The following NBEAL1 variants were observed in gnomAD, a reference collection of about 807,000 sequenced individuals.
NBEAL1 encodes neurobeachin-like protein 1.
NBEAL1 carries 273 observed loss-of-function variants against 351.3 expected under a neutral mutation model. That is an observed-to-expected ratio of 0.78 (90% CI 0.70 to 0.86). The LOEUF (loss-of-function observed/expected upper bound fraction) is 0.86. Among genes scored for constraint, NBEAL1 ranks in the 40% least tolerant of loss-of-function variants. The pLI is 0.00. For synonymous variants in NBEAL1, 1,050 were observed against 1,086.4 expected (o/e 0.97, Z 0.66); for missense variants, 2,961 against 3,201.3 (o/e 0.92, Z 1.81).
At chr2:203,215,888 G>A (rs2065887095) in intron 55 of NBEAL1, among the ~76,000 whole-genome samples, 1 of 151,644 alleles carries the variant, frequency 6.6e-6, no homozygotes, top group African/African-American at 2.4e-5. Context: ...GTATGTTCCT[G>A]TAGTCTCAGC....
At chr2:203,127,386 TA>T (rs1360658230) in intron 23 of NBEAL1, among the ~76,000 whole-genome samples, 3 of 152,196 alleles carry the variant, frequency 2.0e-5, no homozygotes, top group Non-Finnish European at 4.4e-5. Context: ...TACATGGAAA[TA>T]TTTTTTTAAC....
chr2:203,158,053 A>T (rs1159430070), intron 36 of NBEAL1, among the ~76,000 whole-genome samples: 1 of 152,214 alleles, frequency 6.6e-6, no homozygotes, highest in Non-Finnish European at 1.5e-5. Flanking sequence ...GAACTGTACG[A>T]TAATGAAAGC....
chr2:203,016,488 T>C, intron 2 of NBEAL1, 53 bp downstream of exon 2: 1 of 1,185,434 alleles, frequency 8.4e-7, no homozygotes. Context: ...TTATAAAATT[T>C]GTGACTGGCA....
chr2:203,140,858 C>A (rs1575032295), intron 31 of NBEAL1, among the ~76,000 whole-genome samples: 1 of 151,962 alleles, frequency 6.6e-6, no homozygotes, highest in African/African-American at 2.4e-5. Context: ...GCCATCATAA[C>A]GAAACCCCAT....
chr2:203,093,633 C>T (rs1317610956), intron 10 of NBEAL1, among the ~76,000 whole-genome samples: 1 of 152,114 alleles, frequency 6.6e-6, no homozygotes, highest in Non-Finnish European at 1.5e-5. Context: ...GCGGGTTGAT[C>T]ACTTGAGGTC....
At chr2:203,092,399 C>CAA (rs1231545045) in intron 10 of NBEAL1, among the ~76,000 whole-genome samples, 13 of 112,432 alleles carry the variant, frequency 1.2e-4, no homozygotes, top group African/African-American at 1.3e-4. Flanking sequence ...ACTAAAAATA[C>CAA]AAAAAAAAAA....
chr2:203,060,328 A>C (rs1003126923), intron 6 of NBEAL1, among the ~76,000 whole-genome samples: 2 of 152,172 alleles, frequency 1.3e-5, no homozygotes, highest in Non-Finnish European at 2.9e-5. Flanking sequence ...AAAAAGGAAA[A>C]TATAATAAAG....
intron 10 of NBEAL1, among the ~76,000 whole-genome samples, chr2:203,091,296 C>T (rs920370750): frequency 2.6e-5 from 4 of 152,172 alleles, no homozygotes; most frequent in Non-Finnish European, 4.4e-5. Context: ...TCGTCCATGT[C>T]GTAGCATGTG....
At chr2:203,129,615 A>T (rs2063026491) in intron 24 of NBEAL1, among the ~76,000 whole-genome samples, 1 of 152,224 alleles carries the variant, frequency 6.6e-6, no homozygotes, top group African/African-American at 2.4e-5. Context: ...TACATGTAAT[A>T]TAATGATGAA....
At chr2:203,063,427 A>T (rs1159659141) in intron 6 of NBEAL1, among the ~76,000 whole-genome samples, 2 of 137,490 alleles carry the variant, frequency 1.5e-5, no homozygotes, top group Non-Finnish European at 3.1e-5. Context: ...AGCCTGGGTG[A>T]TGGCAAAACC....
chr2:203,098,413 T>C (rs1365787735), intron 11 of NBEAL1, among the ~76,000 whole-genome samples: 2 of 152,200 alleles, frequency 1.3e-5, no homozygotes, highest in Middle Eastern at 3.2e-3. Context: ...AATATTGTTT[T>C]AGATTTCTGT....
chr2:203,110,252 T>G lies in NBEAL1; in HGVS notation c.2052T>G (p.Leu684=). The change falls in exon 15 of 56, where the codon CTT becomes CTG. Residue 684 remains leucine, a synonymous_variant. Transcript: ENST00000683969. ...AAAGAGAATATGCAACGGTTATGCT[T>G]CCTGACCACAGTTTCTGTGATTCCC... ...CTKREYATVM[L]PDHSFCDSLW... 6.4e-7 allele frequency: 1 copy of G among 1,552,692 alleles called. No individual in the cohort carries two copies. The highest frequency in any genetic ancestry group is 8.7e-7 in the Non-Finnish European group (1 of 1,147,148).
chr2:203,201,897 A>G (rs983651207), intron 50 of NBEAL1, among the ~76,000 whole-genome samples, 182 bp downstream of exon 50: 2 of 152,152 alleles, frequency 1.3e-5, no homozygotes, highest in Non-Finnish European at 2.9e-5. Flanking sequence ...TTTGGGTATA[A>G]TAAAGCACCA....
chr2:203,212,432 C>T (rs1302356282), intron 54 of NBEAL1, among the ~76,000 whole-genome samples: 1 of 151,222 alleles, frequency 6.6e-6, no homozygotes, highest in Non-Finnish European at 1.5e-5. Context: ...CATAGTGAAA[C>T]CCCATCTCTA....
intron 31 of NBEAL1, among the ~76,000 whole-genome samples, chr2:203,144,177 C>T (rs1399283776): frequency 6.7e-6 from 1 of 149,476 alleles, no homozygotes; most frequent in African/African-American, 2.5e-5. Context: ...AGCCATTGCA[C>T]CCCAACCCGG....
At chr2:203,040,686 C>T in intron 2 of NBEAL1, 1 of 631,876 alleles carries the variant, frequency 1.6e-6, no homozygotes, top group African/African-American at 1.8e-5. Context: ...ATGAAATTGC[C>T]TTCCCAGGGA....
chr2:203,067,617 A>G (rs2061615811), intron 6 of NBEAL1, among the ~76,000 whole-genome samples: 1 of 152,202 alleles, frequency 6.6e-6, no homozygotes, highest in African/African-American at 2.4e-5. Context: ...CAGAATTTCT[A>G]TGTGGCTGTC....
intron 2 of NBEAL1, among the ~76,000 whole-genome samples, chr2:203,029,261 A>G (rs935940244): frequency 2.6e-5 from 4 of 152,156 alleles, no homozygotes; most frequent in Non-Finnish European, 4.4e-5. Context: ...AAGTGTTGGG[A>G]TTACAGGCAT....
At chr2:203,184,633 G>A (rs1386191175) in intron 44 of NBEAL1, among the ~76,000 whole-genome samples, 1 of 151,666 alleles carries the variant, frequency 6.6e-6, no homozygotes, top group East Asian at 1.9e-4. Context: ...AATTAAGCCA[G>A]TACTTGGAAA....
Sources: allele counts gnomAD v4.1 joint callset (sites outside exome capture counted in the v4.1 genomes callset), GRCh38; gene constraint gnomAD v4.1.1; transcripts MANE v1.5; gene names NCBI Gene and HGNC (gene_info 2026-07-23, HGNC 2026-07-21).